The following RFFL variants were observed in gnomAD, a reference collection of about 807,000 sequenced individuals.
The protein encoded by RFFL is E3 ubiquitin-protein ligase rififylin.
RFFL carries 16 observed loss-of-function variants against 40.4 expected under a neutral mutation model. That is an observed-to-expected ratio of 0.40 (90% confidence interval 0.27 to 0.60). The LOEUF is 0.60. Among genes scored for constraint, RFFL ranks in the 20% least tolerant of loss-of-function variants. RFFL has a pLI of 0.47. For missense variants in RFFL, 367 were observed against 451.7 expected (o/e 0.81, Z 1.70); for synonymous variants, 154 against 167.9 (o/e 0.92, Z 0.64).
chr17:35,036,693 A>G (rs1187899341), intron 1 of RFFL, among the ~76,000 whole-genome samples: 2 of 152,236 alleles, frequency 1.3e-5, no homozygotes. Context: ...GAACAGGAAA[A>G]TAACAGTGTT....
intron 1 of RFFL, among the ~76,000 whole-genome samples, chr17:35,043,509 A>G (rs2142348471): frequency 6.6e-6 from 1 of 152,292 alleles, no homozygotes; most frequent in African/African-American, 2.4e-5. Flanking sequence ...TCACACAGAG[A>G]TGTCAGTAAC....
intron 1 of RFFL, among the ~76,000 whole-genome samples, chr17:35,060,232 A>G (rs868789119): frequency 1.3e-5 from 2 of 152,190 alleles, no homozygotes; most frequent in South Asian, 2.1e-4. Context: ...ATTAATTTCA[A>G]TCAAGGTCTC....
At chr17:35,045,642 G>A (rs2091194685) in intron 1 of RFFL, among the ~76,000 whole-genome samples, 1 of 152,106 alleles carries the variant, frequency 6.6e-6, no homozygotes, top group Admixed American at 6.6e-5. Flanking sequence ...TTAATGCCAG[G>A]TAATCAACAC....
intron 1 of RFFL, among the ~76,000 whole-genome samples, chr17:35,038,286 CAAAAAAAAAA>C (rs33952696): frequency 1.0e-5 from 1 of 99,338 alleles, no homozygotes; most frequent in South Asian, 3.3e-4. Context: ...AAAACTGTCT[CAAAAAAAAAA>C]AAAAAAAAAA....
intron 1 of RFFL, among the ~76,000 whole-genome samples, chr17:35,072,543 C>G (rs1187739552): frequency 1.3e-5 from 2 of 151,376 alleles, no homozygotes; most frequent in Non-Finnish European, 2.9e-5. Context: ...CAAATCCATA[C>G]ATGTGATAAA....
At position 35,076,249 on chromosome 17, in the gene RFFL, C is replaced by T. The variant is rs145736853; in HGVS notation, c.-9+12856G>A. The stretch of plus-strand genomic sequence containing the variant: ...CCTCAAGTGATCCGCCCGCCTCAGG[C>T]CTCCAAAAGTGTTGAGATTACAGGC... On this transcript the variant is annotated intron_variant, in intron 1 of 6. Transcript: ENST00000315249. 4.2e-4 allele frequency among the ~76,000 whole-genome samples: 64 copies of T among 152,046 alleles called. No individual in the cohort carries two copies. In the East Asian group the frequency reaches 0.012, roughly 30 times the overall value.
At chr17:35,064,760 G>A (rs187746275), upstream of RFFL, among the ~76,000 whole-genome samples, 27 of 152,236 alleles carry the variant, frequency 1.8e-4, no homozygotes, top group African/African-American at 6.0e-4. Flanking sequence ...ATGAACTCTG[G>A]ATGTAGCTGC....
upstream of RFFL, among the ~76,000 whole-genome samples, chr17:35,065,592 A>G (rs997351348): frequency 1.8e-4 from 28 of 151,594 alleles, no homozygotes; most frequent in African/African-American, 5.8e-4. Flanking sequence ...GAGAAAATCC[A>G]GACAGTACTA....
chr17:35,016,317 T>G (rs1412095177), intron 5 of RFFL, 53 bp downstream of exon 5: 2 of 1,515,724 alleles, frequency 1.3e-6, no homozygotes, highest in African/African-American at 2.7e-5. Context: ...TGCTTTGGAG[T>G]GACAGCAAAC....
At chr17:35,066,372 T>C (rs2091321164), upstream of RFFL, among the ~76,000 whole-genome samples, 1 of 152,168 alleles carries the variant, frequency 6.6e-6, no homozygotes. Context: ...GAAATTAAAA[T>C]ATCCATTTCT....
In RFFL at chr17:35,011,874, T is replaced by G; in HGVS notation, c.*94A>C. On this transcript the variant is annotated 3_prime_UTR_variant, in exon 7 of 7. Coordinates refer to ENST00000394597, the MANE Select transcript of RFFL (RefSeq NM_001017368.2). ...CTGGTTTTGGGAACCCTGCAATATTTCTACTAGCTTGCTCCTCTGCAAGCT... is the reference window on the plus strand; with the variant it reads ...CTGGTTTTGGGAACCCTGCAATATTGCTACTAGCTTGCTCCTCTGCAAGCT... 2.4e-6 allele frequency: 3 copies of G among 1,232,720 alleles called. No homozygotes were observed. The Admixed American group carries it at 5.9e-5, about 24-fold the overall frequency. The allele number at this position is 1,232,720 out of a possible 1,614,324, so 76.4% of individuals were successfully genotyped here.
At chr17:35,075,420 A>T (rs1373548710) in intron 1 of RFFL, among the ~76,000 whole-genome samples, 1 of 152,230 alleles carries the variant, frequency 6.6e-6, no homozygotes, top group Non-Finnish European at 1.5e-5. Flanking sequence ...ATTGTTTCCA[A>T]AAGTGTTAAG....
intron 6 of RFFL, among the ~76,000 whole-genome samples, chr17:35,014,070 G>A (rs1003097211): frequency 2.6e-5 from 4 of 152,198 alleles, no homozygotes; most frequent in Non-Finnish European, 4.4e-5. Flanking sequence ...TTGGAAGGGA[G>A]TTCACAACCA....
intron 1 of RFFL, among the ~76,000 whole-genome samples, chr17:35,044,934 C>A (rs1048337968): frequency 6.6e-6 from 1 of 150,640 alleles, no homozygotes; most frequent in African/African-American, 2.4e-5. Context: ...TACAGTGGTG[C>A]GATCACAGCT....
chr17:35,021,467 A>T lies in RFFL; in HGVS notation c.495T>A (p.Pro165=). 2 of 1,572,574 alleles carry T rather than the reference A, an allele frequency of 1.3e-6. No homozygotes were observed. Among genetic ancestry groups the T allele is most frequent in the Non-Finnish European group, 1.7e-6 (2 of 1,160,724 alleles). The part of the protein sequence containing the change: ...FPEQQAFLTQ[P]HSSMVPPTSP... ...AGGTAGGTGGAACCATGCTGGAGTG[A>T]GGCTGGGTCAGGAAGGCCTGCTGCT... The change falls in exon 3 of 7, where the codon CCT becomes CCA. Residue 165 remains proline (P), a synonymous_variant. Coordinates refer to ENST00000394597, the MANE Select transcript of RFFL (RefSeq NM_001017368.2).
chr17:35,058,992 C>G (rs990260325), intron 1 of RFFL, among the ~76,000 whole-genome samples: 1 of 151,450 alleles, frequency 6.6e-6, no homozygotes, highest in African/African-American at 2.4e-5. Flanking sequence ...GGCCCAGCCA[C>G]CATGTAAAAG....
At chr17:35,037,683 A>G (rs1043702189) in intron 1 of RFFL, among the ~76,000 whole-genome samples, 2 of 152,202 alleles carry the variant, frequency 1.3e-5, no homozygotes, top group Non-Finnish European at 2.9e-5. Context: ...GTTAAAGGTC[A>G]CAGCTAGAGG....
intron 1 of RFFL, among the ~76,000 whole-genome samples, chr17:35,070,225 C>T (rs563195110): frequency 1.3e-5 from 2 of 152,214 alleles, no homozygotes; most frequent in African/African-American, 2.4e-5. Context: ...GGCTGGAGTG[C>T]GGTGGTGTGA....
chr17:35,068,270 C>G (rs1001743328), upstream of RFFL, among the ~76,000 whole-genome samples: 1 of 152,140 alleles, frequency 6.6e-6, no homozygotes, highest in Non-Finnish European at 1.5e-5. Context: ...TGAGAGTGCC[C>G]AAATGTCAAC....
Sources: allele counts gnomAD v4.1 joint callset (sites outside exome capture counted in the v4.1 genomes callset), GRCh38; gene constraint gnomAD v4.1.1; transcripts MANE v1.5; gene names NCBI Gene and HGNC (gene_info 2026-07-23, HGNC 2026-07-21).